The following SRRT variants were observed in gnomAD, a reference collection of about 807,000 sequenced individuals.
The protein encoded by SRRT is serrate RNA effector molecule homolog.
Under a neutral mutation model 103.2 loss-of-function variants are expected in SRRT, and 32 were observed. The observed-to-expected ratio is 0.31, with a 90% confidence interval of 0.23 to 0.42. SRRT has a LOEUF of 0.42. Among genes scored for constraint, SRRT ranks in the 10% least tolerant of loss-of-function variants. The pLI is 1.00. For synonymous variants in SRRT, 525 were observed against 449.0 expected, an observed-to-expected ratio of 1.17 and a Z score of -2.14; for missense variants, 986 against 1,207.5, an observed-to-expected ratio of 0.82 and a Z score of 2.72.
rs531766029 is a variant in SRRT at position 100,882,425 on chromosome 7, G to A, written c.587+184G>A. On this transcript the variant is annotated intron_variant, in intron 5 of 19. Transcript: ENST00000611405. This position sits in a 1 kb window ranked among gnomAD's most constrained non-coding sequence, Gnocchi z 4.2. The stretch of plus-strand genomic sequence containing the variant: ...CACTTCAGCAACTGCCACGGCCCCC[G>A]CCCCGCCCTGTCTCCTGTCCTGCTG... 4.9e-6 allele frequency: 3 copies of A among 615,542 alleles called. No individual in the cohort carries two copies. Among genetic ancestry groups the A allele is most frequent in the East Asian group, 6.0e-5 (2 of 33,238 alleles). 38.1% of individuals were successfully genotyped at this position (615,542 alleles called of 1,614,324 possible).
At position 100,886,320 on chromosome 7, in the gene SRRT, C is replaced by T; in HGVS notation, c.1532C>T (p.Thr511Ile). Residue 511 changes from threonine (T) to isoleucine (I), a missense_variant, in exon 13 of 20, where the codon ACC (threonine) becomes ATC (isoleucine). By Grantham distance (89) the Thr-to-Ile change is moderately conservative (BLOSUM62 -1). This residue lies in a region of SRRT where 349 missense variants were observed against 446.9 expected (regional missense o/e 0.78). Transcript: ENST00000611405. ...TRRVRNINGI[T>I]QHKQIVRNDI... ...CGCGTTCGCAACATCAACGGCATCA[C>T]CCAGCACAAGCAGATTGTGCGCAAC... The T allele has an allele frequency of 6.2e-7, 1 of 1,613,794 alleles. No homozygotes were observed. The highest frequency in any genetic ancestry group is 8.5e-7 in the Non-Finnish European group (1 of 1,180,024).
rs904592130 is a variant in SRRT at position 100,888,512 on chromosome 7, G to A, written c.2594G>A (p.Arg865Gln). ...RGDPRAIVEY[R>Q]DLDAPDDVDF... is the part of the protein sequence containing the mutation. ...GACCCAAGGGCCATTGTGGAATATC[G>A]GGACCTGGATGCCCCAGACGATGTT... The change falls in exon 20 of 20, where the codon CGG becomes CAG. Residue 865 changes from arginine (R) to glutamine (Q), a missense_variant. Around this residue, in one of 6 missense-constraint regions of SRRT, gnomAD observed 178 missense variants for 189.6 expected, o/e 0.94. Transcript: ENST00000611405. 4 of 1,614,152 alleles carry A rather than the reference G, an allele frequency of 2.5e-6. No individual in the cohort carries two copies. Among genetic ancestry groups the A allele is most frequent in the Admixed American group, 1.7e-5 (1 of 60,016 alleles).
Position 100,884,148 on chromosome 7 carries a change from G to C in SRRT, c.666G>C (p.Arg222Ser), listed in dbSNP as rs1255302883. The C allele has an allele frequency of 3.1e-6, 5 of 1,613,864 alleles. No individual in the cohort carries two copies. The African/African-American group carries it at 4.0e-5, about 13-fold the overall frequency. The change falls in exon 6 of 20, where the codon AGG (arginine) becomes AGC (serine). Residue 222 changes from arginine to serine, a missense_variant. Around this residue, in one of 6 missense-constraint regions of SRRT, gnomAD observed 274 missense variants for 358.5 expected, o/e 0.76. Coordinates refer to ENST00000611405, the MANE Select transcript of SRRT (RefSeq NM_015908.6). ...GGGGGGCCCTGCAAAACCGACTGAG[G>C]GTCTTCCTGTCCCTCATGGAGACTG... ...EARGALQNRL[R>S]VFLSLMETGW...
intron 2 of SRRT, among the ~76,000 whole-genome samples, chr7:100,879,095 A>C (rs1380799742): frequency 6.6e-6 from 1 of 152,040 alleles, no homozygotes; most frequent in Non-Finnish European, 1.5e-5. Flanking sequence ...AGTTGGGATT[A>C]CAGGTGCCTG....
At chr7:100,878,606 ACCT>A (rs1815975626) in intron 2 of SRRT, among the ~76,000 whole-genome samples, 1 of 152,154 alleles carries the variant, frequency 6.6e-6, no homozygotes, top group South Asian at 2.1e-4. Context: ...AAAAGAACCT[ACCT>A]CTTGTTGAAT....
rs571067490 is a variant in SRRT, at chr7:100,885,039, C to T, written c.1158C>T (p.Ala386=). 5.6e-6 allele frequency: 9 copies of T among 1,613,472 alleles called. No individual in the cohort carries two copies. The highest frequency in any genetic ancestry group is 3.3e-5 in the Admixed American group (2 of 59,980). ...AGGCTGAGGAGGAGAAGGAGGAGGCCGGTAGGGTTTCTTTTCTGCTTTAAA... is the reference window on the plus strand; with the variant it reads ...AGGCTGAGGAGGAGAAGGAGGAGGCTGGTAGGGTTTCTTTTCTGCTTTAAA... ...SGQAEEEKEE[A]EEALKEKEKP... is the part of the protein sequence containing the mutation. Residue 386 remains alanine (A), a splice_region_variant and synonymous_variant, in exon 9 of 20, where the codon GCC becomes GCT. Transcript: ENST00000611405. This position sits in a 1 kb window ranked among gnomAD's most constrained non-coding sequence, Gnocchi z 4.8.
rs143173043 is a variant in SRRT at position 100,884,777 on chromosome 7, A to G, written c.980A>G (p.Lys327Arg). The G allele has an allele frequency of 2.5e-6, 4 of 1,614,038 alleles. No individual in the cohort carries two copies. Among genetic ancestry groups the G allele is most frequent in the African/African-American group, 1.3e-5 (1 of 74,984 alleles). ...NDSSNDDKTK[K>R]SEGDGDKEEK... ...AGTTCTAATGATGACAAAACAAAGAAGTCGGAGGGTGATGGGGACAAGGAA... is the reference window on the plus strand; with the variant it reads ...AGTTCTAATGATGACAAAACAAAGAGGTCGGAGGGTGATGGGGACAAGGAA... The change falls in exon 8 of 20, where the codon AAG (lysine) becomes AGG (arginine). Residue 327 changes from lysine to arginine, a missense_variant. Lys to Arg is a conservative substitution (Grantham distance 26). Transcript: ENST00000611405.
chr7:100,877,156 C>T, intron 2 of SRRT, among the ~76,000 whole-genome samples: 1 of 151,304 alleles, frequency 6.6e-6, no homozygotes, highest in East Asian at 1.9e-4. Context: ...GGCCCAGTGG[C>T]TCACACCTGA....
Position 100,884,122 on chromosome 7 carries a change from CG to C in SRRT, c.646del (p.Ala216ProfsTer6). Reference protein sequence around the residue: ...DEVGKRRQEARGALQNRLRVF... With the variant: ...DEVGKRRQEAXGALQNRLRVF... ...GGTGGGGAAGCGTCGGCAGGAGGCC[CG>C]GGGGGCCCTGCAAAACCGACTGAGG... On this transcript the variant is annotated frameshift_variant, in exon 6 of 20. Coordinates refer to ENST00000611405, the MANE Select transcript of SRRT (RefSeq NM_015908.6). LOFTEE classifies it high-confidence loss of function. 6.2e-7 allele frequency: 1 copy of C among 1,612,002 alleles called. No individual in the cohort carries two copies. The highest frequency in any genetic ancestry group is 8.5e-7 in the Non-Finnish European group (1 of 1,179,452).
rs1389087310 is a variant in SRRT, at chr7:100,887,698, C to T, written c.2170-5C>T. ...TGTCCTGACCCCTCTCCTCTCTCCACCCAGGGTCCTGAGTTTGTGCGCAAA... is the reference window on the plus strand; with the variant it reads ...TGTCCTGACCCCTCTCCTCTCTCCATCCAGGGTCCTGAGTTTGTGCGCAAA... On this transcript the variant is annotated splice_region_variant and splice_polypyrimidine_tract_variant and intron_variant, in intron 16 of 19. Coordinates refer to ENST00000611405, the MANE Select transcript of SRRT (RefSeq NM_015908.6). The surrounding 1 kb of genome is among the most constrained non-coding windows in gnomAD (Gnocchi z 4.1). The T allele has an allele frequency of 4.4e-6, 7 of 1,605,338 alleles. No individual in the cohort carries two copies. The East Asian group carries it at 1.3e-4, about 31-fold the overall frequency.
At chr7:100,886,096 G>T (rs774857267) in intron 12 of SRRT, 151 bp from the exon 13 acceptor site, 56 of 1,257,246 alleles carry the variant, frequency 4.5e-5, no homozygotes, top group Non-Finnish European at 5.6e-5. Context: ...GCTCTAGGGC[G>T]TTAGCATGGA....
intron 2 of SRRT, among the ~76,000 whole-genome samples, chr7:100,877,198 A>G (rs1815812917): frequency 6.6e-6 from 1 of 151,658 alleles, no homozygotes; most frequent in Non-Finnish European, 1.5e-5. Context: ...CGAGACGGGC[A>G]GATCACGAGA....
rs765584893 is a variant in SRRT at position 100,887,801 on chromosome 7, T to C, written c.2268T>C (p.Asp756=). 1 of 1,613,198 alleles carries C rather than the reference T, an allele frequency of 6.2e-7. No homozygotes were observed. The highest frequency in any genetic ancestry group is 8.5e-7 in the Non-Finnish European group (1 of 1,179,304). The part of the protein sequence containing the change: ...EVAFFNNFLT[D]AKRPALPEIK... ...CGTTTTTTAACAACTTCCTCACTGATGCTAAGCGCCCAGCTCTGCCTGAGA... is the reference window on the plus strand; with the variant it reads ...CGTTTTTTAACAACTTCCTCACTGACGCTAAGCGCCCAGCTCTGCCTGAGA... Residue 756 remains aspartate, a synonymous_variant, in exon 17 of 20, where the codon GAT becomes GAC. Coordinates refer to ENST00000611405, the MANE Select transcript of SRRT (RefSeq NM_015908.6). This position sits in a 1 kb window ranked among gnomAD's most constrained non-coding sequence, Gnocchi z 4.1.
intron 3 of SRRT, 32 bp downstream of exon 3, chr7:100,881,445 T>G: frequency 6.2e-7 from 1 of 1,603,410 alleles, no homozygotes; most frequent in Non-Finnish European, 8.5e-7. Context: ...CTCCTCCCCT[T>G]TGCCTCAGTT....
In SRRT at chr7:100,882,248, G is replaced by T. The variant is rs768388845; in HGVS notation, c.587+7G>T. On this transcript the variant is annotated splice_region_variant and intron_variant, in intron 5 of 19. Transcript: ENST00000611405. This position sits in a 1 kb window ranked among gnomAD's most constrained non-coding sequence, Gnocchi z 4.2. ...CGCACAAAGATGAGGAGTGGTGAGT[G>T]CCCCTACTTCCCTGGACCTCTGCCC... 1 of 1,613,144 alleles carries T rather than the reference G, an allele frequency of 6.2e-7. No individual in the cohort carries two copies. Among genetic ancestry groups the T allele is most frequent in the Admixed American group, 1.7e-5 (1 of 59,948 alleles).
At chr7:100,886,669 G>A (rs1286086696) in intron 13 of SRRT, 126 bp from the exon 14 acceptor site, 10 of 1,144,848 alleles carry the variant, frequency 8.7e-6, no homozygotes, top group Admixed American at 2.1e-5. Flanking sequence ...AATCTCAAGG[G>A]GGCAAAAGGT....
Position 100,885,079 on chromosome 7 carries a change from T to TG in SRRT, c.1159+40dup, listed in dbSNP as rs765690632. On this transcript the variant is annotated intron_variant, in intron 9 of 19. Coordinates refer to ENST00000611405, the MANE Select transcript of SRRT (RefSeq NM_015908.6). This position sits in a 1 kb window ranked among gnomAD's most constrained non-coding sequence, Gnocchi z 4.8. ...TCTGCTTTAAAGTGCGTTCTCCTAA[T>TG]GCGGGTGGGGAGGTGAGAGGTTGGC... The TG allele has an allele frequency of 3.1e-6, 5 of 1,612,036 alleles. No individual in the cohort carries two copies. Among genetic ancestry groups the TG allele is most frequent in the Non-Finnish European group, 1.7e-6 (2 of 1,179,240 alleles).
rs1352422992 is a variant in SRRT, at chr7:100,887,869, G to C, written c.2326+10G>C. The C allele has an allele frequency of 1.9e-6, 3 of 1,593,428 alleles. No individual in the cohort carries two copies. The highest frequency in any genetic ancestry group is 1.7e-6 in the Non-Finnish European group (2 of 1,163,914). On this transcript the variant is annotated intron_variant, in intron 17 of 19. Coordinates refer to ENST00000611405, the MANE Select transcript of SRRT (RefSeq NM_015908.6). This position sits in a 1 kb window ranked among gnomAD's most constrained non-coding sequence, Gnocchi z 4.1. The stretch of plus-strand genomic sequence containing the variant: ...CCTGGCCCCGCCCAGAGTAAGATAC[G>C]ATCCATGAAGGTCGCATGTGCCCTC...
At position 100,887,069 on chromosome 7, in the gene SRRT, A is replaced by T; in HGVS notation, c.1844A>T (p.Tyr615Phe). Residue 615 changes from tyrosine (Y) to phenylalanine (F), a missense_variant, in exon 15 of 20, where the codon TAC (tyrosine) becomes TTC (phenylalanine). Physicochemically the swap from Tyr to Phe is conservative, Grantham distance 22. Coordinates refer to ENST00000611405, the MANE Select transcript of SRRT (RefSeq NM_015908.6). The surrounding 1 kb of genome is among the most constrained non-coding windows in gnomAD (Gnocchi z 4.1). ...TAGGTCTTGGACAAGCTCCTCCTTTACCTGCGCATCGTGCATTCCTTGGAT... is the reference window on the plus strand; with the variant it reads ...TAGGTCTTGGACAAGCTCCTCCTTTTCCTGCGCATCGTGCATTCCTTGGAT... ...LIKVLDKLLL[Y>F]LRIVHSLDYY... The T allele has an allele frequency of 6.2e-7, 1 of 1,614,142 alleles. No individual in the cohort carries two copies. The highest frequency in any genetic ancestry group is 8.5e-7 in the Non-Finnish European group (1 of 1,180,022).
Sources: gnomAD v4.1 joint callset for allele counts (sites outside exome capture counted in the v4.1 genomes callset) on GRCh38, gnomAD v4.1.1 for gene constraint, gnomAD v4.1.1 regional missense constraint, Gnocchi (gnomAD v3.1) non-coding constraint, MANE v1.5 for transcripts, NCBI Gene and HGNC (gene_info 2026-07-23, HGNC 2026-07-21) for gene names.